ACSL1: variants seen among roughly 807,000 people sequenced by gnomAD.
ACSL1 encodes long-chain-fatty-acid--CoA ligase 1.
A neutral mutation model predicts 98.4 loss-of-function variants in ACSL1; 41 were observed. The observed-to-expected ratio is 0.42, with a 90% CI of 0.32 to 0.54. The LOEUF is 0.54. Among genes scored for constraint, ACSL1 ranks in the 20% least tolerant of loss-of-function variants. The probability of loss-of-function intolerance (pLI) is 0.13; values close to 1 mark genes in which losing one functional copy is unlikely to be tolerated. For synonymous variants in ACSL1, 316 were observed against 322.7 expected, an observed-to-expected ratio of 0.98 and a Z score of 0.22; for missense variants, 734 against 883.1, an observed-to-expected ratio of 0.83 and a Z score of 2.14.
chr4:184,785,601 G>A (rs56196028), intron 3 of ACSL1, among the ~76,000 whole-genome samples: 5 of 4,804 alleles, frequency 1.0e-3, no homozygotes, highest in African/African-American at 2.1e-3. Context: ...CCTCCTGGGC[G>A]GGGGCGGGGG....
At position 184,773,246 on chromosome 4, in the gene ACSL1, C is replaced by T. The variant is rs1198541369; in HGVS notation, c.842-92G>A. ...CACATAATTAGGGCTTCAGACACCTCTACTGTTAGATATATCGTGAAAACC... is the reference window on the plus strand; with the variant it reads ...CACATAATTAGGGCTTCAGACACCTTTACTGTTAGATATATCGTGAAAACC... On this transcript the variant is annotated intron_variant, in intron 9 of 20. Coordinates refer to ENST00000281455, the MANE Select transcript of ACSL1 (RefSeq NM_001995.5). This position sits in a 1 kb window ranked among gnomAD's most constrained non-coding sequence, Gnocchi z 4.3. 3.5e-6 allele frequency: 4 copies of T among 1,142,020 alleles called. No individual in the cohort carries two copies. In the African/African-American group the frequency reaches 4.6e-5, roughly 13 times the overall value. The allele number at this position is 1,142,020 out of a possible 1,614,324, so 70.7% of individuals were successfully genotyped here.
chr4:184,762,970 A>T (rs1319472396), intron 16 of ACSL1, among the ~76,000 whole-genome samples, 197 bp downstream of exon 16: 1 of 152,234 alleles, frequency 6.6e-6, no homozygotes, highest in East Asian at 1.9e-4. Context: ...GAAGACAGGC[A>T]TCAGTGTCCC....
chr4:184,768,190 A>G (rs1352032441), intron 12 of ACSL1, 126 bp downstream of exon 12: 1 of 1,014,150 alleles, frequency 9.9e-7, no homozygotes, highest in Non-Finnish European at 1.4e-6. Flanking sequence ...GAGTAAACTG[A>G]AGTTCTGTAA....
At chr4:184,795,460 T>C (rs534434907) in intron 2 of ACSL1, among the ~76,000 whole-genome samples, 4 of 152,362 alleles carry the variant, frequency 2.6e-5, no homozygotes, top group South Asian at 4.1e-4. Context: ...TACGTATCTG[T>C]AGTGACCTTT....
intron 1 of ACSL1, among the ~76,000 whole-genome samples, chr4:184,807,517 AG>A (rs1224896458): frequency 1.3e-5 from 2 of 152,188 alleles, no homozygotes; most frequent in Admixed American, 1.3e-4. Flanking sequence ...AGGATGGGGA[AG>A]GTAACAATGG....
intron 1 of ACSL1, chr4:184,815,116 C>T: frequency 2.2e-6 from 1 of 456,134 alleles, no homozygotes; most frequent in Non-Finnish European, 4.4e-6. Context: ...CCTGGTGCTC[C>T]AGGAATCTAG....
In ACSL1 at chr4:184,760,464, T is replaced by A. The variant is rs773780082; in HGVS notation, c.1675A>T (p.Ile559Leu). 2 of 1,614,204 alleles carry A rather than the reference T, an allele frequency of 1.2e-6. No individual in the cohort carries two copies. The highest frequency in any genetic ancestry group is 3.3e-5 in the Admixed American group (2 of 60,032). The change falls in exon 18 of 21, where the codon ATA (isoleucine) becomes TTA (leucine). Residue 559 changes from isoleucine to leucine, a missense_variant. Transcript: ENST00000281455. ...TLKIIDRKKH[I>L]FKLAQGEYIA... The stretch of plus-strand genomic sequence containing the variant: ...TATTCTCCTTGTGCCAGCTTAAATA[T>A]GTGCTTTTTCCGGTCGATAATTTTC...
intron 1 of ACSL1, chr4:184,821,345 C>T (rs1193019011): frequency 3.8e-5 from 11 of 286,202 alleles, no homozygotes; most frequent in African/African-American, 8.9e-5. Flanking sequence ...TCTCCCACAA[C>T]AAACCTAAGG....
Position 184,762,426 on chromosome 4 carries a change from T to C in ACSL1, c.1619A>G (p.Asp540Gly). ...ACTTACTGGTAACCATTTTCCAATG[T>C]CCCCTGTGTGTAACCAGCCGTCTTT... ...LDKDGWLHTG[D>G]IGKWLPNGTL... The change falls in exon 17 of 21, where the codon GAC becomes GGC. Residue 540 changes from aspartate to glycine, a missense_variant. Transcript: ENST00000281455. 1 of 1,614,208 alleles carries C rather than the reference T, an allele frequency of 6.2e-7. No homozygotes were observed. The highest frequency in any genetic ancestry group is 8.5e-7 in the Non-Finnish European group (1 of 1,180,020).
chr4:184,809,725 A>G (rs1434053753), intron 1 of ACSL1, among the ~76,000 whole-genome samples: 3 of 152,140 alleles, frequency 2.0e-5, no homozygotes, highest in Admixed American at 6.5e-5. Flanking sequence ...GAACCTGGGA[A>G]GCGGAGCTTG....
intron 1 of ACSL1, among the ~76,000 whole-genome samples, chr4:184,807,765 AC>A (rs1771614565): frequency 6.6e-6 from 1 of 151,830 alleles, no homozygotes; most frequent in African/African-American, 2.4e-5. Context: ...TCTGAACATC[AC>A]AAAAGCAAAC....
In ACSL1 at chr4:184,803,742, C is replaced by A. The variant is rs990515553; in HGVS notation, c.-32-196G>T. On this transcript the variant is annotated intron_variant, in intron 1 of 20. Transcript: ENST00000281455. This position sits in a 1 kb window ranked among gnomAD's most constrained non-coding sequence, Gnocchi z 4.8. ...TAAAAACACTTTAGGATTTCATTTT[C>A]ATTCTATTTCTCCATTACCTTGTAT... Among the ~76,000 whole-genome samples, 6 of 152,134 alleles carry A rather than the reference C, an allele frequency of 3.9e-5. No homozygotes were observed. The highest frequency in any genetic ancestry group is 1.4e-4 in the African/African-American group (6 of 41,418).
intron 2 of ACSL1, chr4:184,798,493 G>C (rs1467316124): frequency 1.6e-5 from 3 of 183,274 alleles, no homozygotes; most frequent in African/African-American, 7.0e-5. Flanking sequence ...TCTCTCTGGA[G>C]GGTCTCCATC....
At chr4:184,805,483 A>G in intron 1 of ACSL1, 2 of 985,504 alleles carry the variant, frequency 2.0e-6, no homozygotes, top group Non-Finnish European at 2.4e-6. Context: ...TCTTCAGGCC[A>G]TGGTTCTGGA....
chr4:184,783,842 GA>G (rs1766739775), intron 4 of ACSL1, 84 bp downstream of exon 4: 2 of 1,305,812 alleles, frequency 1.5e-6, no homozygotes, highest in Admixed American at 1.8e-5. Flanking sequence ...ACACTCTGGA[GA>G]AACCTTCCGG....
intron 2 of ACSL1, among the ~76,000 whole-genome samples, chr4:184,796,155 G>C (rs1244875231): frequency 6.6e-6 from 1 of 152,210 alleles, no homozygotes; most frequent in East Asian, 1.9e-4. Context: ...AATTTGAAAA[G>C]ACTAGACTGG....
rs1237464676 is a variant in ACSL1 at position 184,763,147 on chromosome 4, G to A, written c.1521+20C>T. On this transcript the variant is annotated intron_variant, in intron 16 of 20. Coordinates refer to ENST00000281455, the MANE Select transcript of ACSL1 (RefSeq NM_001995.5). ...ACAGGAAATGGCAGCGAGGGAAAAT[G>A]ACTGACGGTTTTCACTCACCTCGCC... The A allele has an allele frequency of 3.1e-6, 5 of 1,610,706 alleles. No homozygotes were observed. In the South Asian group the frequency reaches 5.5e-5, roughly 18 times the overall value.
intron 2 of ACSL1, among the ~76,000 whole-genome samples, chr4:184,789,168 C>T (rs748387355): frequency 1.2e-4 from 19 of 152,278 alleles, no homozygotes; most frequent in Non-Finnish European, 2.1e-4. Flanking sequence ...ACCAATCATT[C>T]GCCTGGAGGT....
chr4:184,820,270 G>T (rs1415667440), intron 1 of ACSL1, among the ~76,000 whole-genome samples: 1 of 152,186 alleles, frequency 6.6e-6, no homozygotes, highest in Non-Finnish European at 1.5e-5. Flanking sequence ...GCCCACCTCG[G>T]CCTCCCAAAG....
Sources: gnomAD v4.1 joint callset for allele counts (sites outside exome capture counted in the v4.1 genomes callset) on GRCh38, gnomAD v4.1.1 for gene constraint, Gnocchi (gnomAD v3.1) non-coding constraint, MANE v1.5 for transcripts, NCBI Gene and HGNC (gene_info 2026-07-23, HGNC 2026-07-21) for gene names.